Variants in MSR1 observed in about 807,000 individuals in gnomAD.
MSR1 encodes the protein macrophage scavenger receptor 1.
MSR1 carries 53 observed loss-of-function variants against 47.2 expected under a neutral mutation model. The ratio of observed to expected loss-of-function variants is 1.12; its 90% CI spans 0.90 to 1.41. The LOEUF is 1.41. Ranked by LOEUF, MSR1 falls within the 40% of genes most tolerant of loss-of-function variation. MSR1 has a pLI of 0.00. For synonymous variants in MSR1, 239 were observed against 185.6 expected, an observed-to-expected ratio of 1.29 and a Z score of -2.34; for missense variants, 786 against 546.9, an observed-to-expected ratio of 1.44 and a Z score of -4.36.
At chr8:16,190,477 T>C (rs982429423) in intron 1 of MSR1, among the ~76,000 whole-genome samples, 1 of 152,112 alleles carries the variant, frequency 6.6e-6, no homozygotes, top group Non-Finnish European at 1.5e-5. Flanking sequence ...TTCATTTTTA[T>C]TTTTTATTAT....
chr8:16,127,927 A>C (rs1452186567), intron 8 of MSR1, among the ~76,000 whole-genome samples: 1 of 152,148 alleles, frequency 6.6e-6, no homozygotes, highest in African/African-American at 2.4e-5. Flanking sequence ...TTTGTCATTA[A>C]TCCCATCACC....
rs1342994175 is a variant in MSR1 at position 16,150,255 on chromosome 8, G to A, written c.955C>T (p.Leu319Phe). 7.0e-6 allele frequency: 11 copies of A among 1,563,076 alleles called. No homozygotes were observed. The highest frequency in any genetic ancestry group is 2.3e-5 in the East Asian group (1 of 43,092). ...GAIGFPGSRG[L>F]PGYAGRPGNS... ...CCTGGCCTTCCGGCATATCCTGGGA[G>A]TCCTCGACTTCCAGGAAAGCCAATT... The change falls in exon 7 of 10, where the codon CTC becomes TTC. Residue 319 changes from leucine to phenylalanine, a missense_variant. Physicochemically the swap from Leu to Phe is conservative, Grantham distance 22 (BLOSUM62 0). Transcript: ENST00000262101.
At chr8:16,112,866 T>C (rs955334150) in intron 9 of MSR1, among the ~76,000 whole-genome samples, 4 of 151,680 alleles carry the variant, frequency 2.6e-5, no homozygotes, top group African/African-American at 9.7e-5. Flanking sequence ...CCTATATACC[T>C]AGCCATATAT....
At chr8:16,145,108 A>T (rs1321708714) in intron 7 of MSR1, among the ~76,000 whole-genome samples, 1 of 152,140 alleles carries the variant, frequency 6.6e-6, no homozygotes, top group Non-Finnish European at 1.5e-5. Context: ...TGAAGATTTA[A>T]TGAAATGCCA....
intron 1 of MSR1, among the ~76,000 whole-genome samples, chr8:16,190,681 T>A (rs1203269101): frequency 6.6e-6 from 1 of 152,040 alleles, no homozygotes; most frequent in African/African-American, 2.4e-5. Flanking sequence ...CCTAAGATTT[T>A]TCCCTATTTA....
chr8:16,186,317 TC>T, intron 1 of MSR1: 1 of 885,990 alleles, frequency 1.1e-6, no homozygotes, highest in East Asian at 2.6e-5. Flanking sequence ...CTATTTTCAC[TC>T]CCTTGGTGAT....
intron 3 of MSR1, among the ~76,000 whole-genome samples, chr8:16,172,822 T>C (rs1027715990): frequency 1.3e-5 from 2 of 152,150 alleles, no homozygotes; most frequent in Admixed American, 1.3e-4. Flanking sequence ...CCCCTCAATA[T>C]ATAATTCACT....
intron 8 of MSR1, among the ~76,000 whole-genome samples, chr8:16,134,519 T>G (rs1800343003): frequency 6.6e-6 from 1 of 152,140 alleles, no homozygotes; most frequent in Non-Finnish European, 1.5e-5. Flanking sequence ...CTCCACCAAC[T>G]GGCTGTTCCC....
chr8:16,122,723 G>C (rs76974017), intron 8 of MSR1, among the ~76,000 whole-genome samples: 4,885 of 152,038 alleles, frequency 0.032, 166 homozygotes, highest in East Asian at 0.12. Context: ...GAAACAGATA[G>C]TGCTGCTGAT....
chr8:16,182,152 T>G (rs1436535642), intron 1 of MSR1, among the ~76,000 whole-genome samples: 2 of 152,188 alleles, frequency 1.3e-5, no homozygotes, highest in East Asian at 3.9e-4. Context: ...CTGTAGGCAG[T>G]TGGAACACAA....
intron 1 of MSR1, among the ~76,000 whole-genome samples, chr8:16,187,645 T>A (rs558632873): frequency 6.6e-6 from 1 of 152,260 alleles, no homozygotes; most frequent in Non-Finnish European, 1.5e-5. Context: ...AATGCCGTAT[T>A]TAAAATTACA....
chr8:16,140,761 G>T, intron 8 of MSR1: 2 of 1,438,122 alleles, frequency 1.4e-6, no homozygotes, highest in Non-Finnish European at 1.8e-6. Context: ...GGTGATAGGG[G>T]AGAGAGGTGA....
intron 7 of MSR1, among the ~76,000 whole-genome samples, chr8:16,148,608 AT>A (rs2117126998): frequency 6.6e-6 from 1 of 151,864 alleles, no homozygotes; most frequent in South Asian, 2.1e-4. Context: ...TGCCTGGCTA[AT>A]TTTTGTATCT....
In MSR1 at chr8:16,175,307, A is replaced by C. The variant is rs776252977; in HGVS notation, c.104-7T>G. The C allele has an allele frequency of 6.2e-7, 1 of 1,610,006 alleles. No homozygotes were observed. The highest frequency in any genetic ancestry group is 8.5e-7 in the Non-Finnish European group (1 of 1,176,216). On this transcript the variant is annotated splice_region_variant and splice_polypyrimidine_tract_variant and intron_variant, in intron 2 of 9. Transcript: ENST00000262101. ...GAAGGGCTGTTTTTAGGATCTAATA[A>C]AACAAAAAAGCCCAGCCTACTGTTA...
chr8:16,172,995 C>T (rs139414717), intron 3 of MSR1, among the ~76,000 whole-genome samples: 2 of 152,178 alleles, frequency 1.3e-5, no homozygotes, highest in African/African-American at 4.8e-5. Flanking sequence ...TGATCTACAA[C>T]TTAATTAAAG....
intron 1 of MSR1, 77 bp from the exon 2 acceptor site, chr8:16,178,069 A>G (rs1801709065): frequency 8.6e-7 from 1 of 1,160,076 alleles, no homozygotes; most frequent in Non-Finnish European, 1.3e-6. Flanking sequence ...TTTAAACTGA[A>G]ATTTCAGTTT....
At chr8:16,178,186 T>C (rs2117210845) in intron 1 of MSR1, among the ~76,000 whole-genome samples, 194 bp from the exon 2 acceptor site, 1 of 152,078 alleles carries the variant, frequency 6.6e-6, no homozygotes, top group South Asian at 2.1e-4. Flanking sequence ...ATGTACCATG[T>C]TGGTGTGCTG....
chr8:16,187,506 A>G (rs991240074), intron 1 of MSR1, among the ~76,000 whole-genome samples: 6 of 151,958 alleles, frequency 3.9e-5, no homozygotes, highest in Admixed American at 6.6e-5. Context: ...CTTTCCCCCA[A>G]AAACATATAT....
chr8:16,172,746 A>G (rs1801521892), intron 3 of MSR1, among the ~76,000 whole-genome samples: 1 of 152,076 alleles, frequency 6.6e-6, no homozygotes, highest in Non-Finnish European at 1.5e-5. Flanking sequence ...TTACACTCTG[A>G]CAGTATTTCA....
Sources: gnomAD v4.1 joint callset for allele counts (sites outside exome capture counted in the v4.1 genomes callset) on GRCh38, gnomAD v4.1.1 for gene constraint, MANE v1.5 for transcripts, NCBI Gene and HGNC (gene_info 2026-07-23, HGNC 2026-07-21) for gene names.